Variants in VWA3A observed in about 807,000 individuals in gnomAD.
The protein encoded by VWA3A is von Willebrand factor A domain-containing protein 3A.
In VWA3A, 134 loss-of-function variants were observed where a neutral mutation model predicts 160.4. The ratio of observed to expected loss-of-function variants is 0.84; its 90% confidence interval spans 0.73 to 0.96. The LOEUF (loss-of-function observed/expected upper bound fraction) is 0.96, where lower values mean the gene tolerates loss of function less well. Ranked by LOEUF, VWA3A falls within the 40% of genes least tolerant of loss-of-function variation. The pLI is 0.00. For synonymous variants in VWA3A, 476 were observed against 543.4 expected, an observed-to-expected ratio of 0.88 and a Z score of 1.72; for missense variants, 1,310 against 1,447.9, an observed-to-expected ratio of 0.90 and a Z score of 1.55.
At chr16:22,142,489 C>T (rs2046168946) in intron 24 of VWA3A, among the ~76,000 whole-genome samples, 179 bp from the exon 25 acceptor site, 1 of 152,050 alleles carries the variant, frequency 6.6e-6, no homozygotes, top group Non-Finnish European at 1.5e-5. Context: ...AGAGGGAGAA[C>T]TTACTCGCTC....
Position 22,152,548 on chromosome 16 carries a change from A to C in VWA3A, c.3319A>C (p.Thr1107Pro). 2 of 1,612,660 alleles carry C rather than the reference A, an allele frequency of 1.2e-6. No homozygotes were observed. Among genetic ancestry groups the C allele is most frequent in the South Asian group, 1.1e-5 (1 of 90,756 alleles). ...VEFLRKLASF[T>P]GGRYHCPVGE... The stretch of plus-strand genomic sequence containing the variant: ...GTTCCTGAGAAAGCTGGCTTCCTTC[A>C]CCGGCGGACGCTATCACTGCCCTGT... The change falls in exon 31 of 34, where the codon ACC becomes CCC. Residue 1107 changes from threonine (T) to proline (P), a missense_variant. Physicochemically the swap from Thr to Pro is conservative, Grantham distance 38. Transcript: ENST00000389398.
Position 22,143,893 on chromosome 16 carries a change from A to G in VWA3A, c.2593-354A>G, listed in dbSNP as rs150864523. Reference sequence around the variant, plus strand: ...GTAGCTGGGATTACAGGCATGCACCACCACTCCTGGCTAATTTTTTGTATT... The same window carrying G: ...GTAGCTGGGATTACAGGCATGCACCGCCACTCCTGGCTAATTTTTTGTATT... On this transcript the variant is annotated intron_variant, in intron 25 of 33. Transcript: ENST00000389398. 9.6e-4 allele frequency among the ~76,000 whole-genome samples: 146 copies of G among 151,534 alleles called. 2 individuals carry two copies. The East Asian group carries it at 0.026, about 27-fold the overall frequency.
chr16:22,118,540 G>A lies in VWA3A; in HGVS notation c.991-362G>A, dbSNP rs1298795224. On this transcript the variant is annotated intron_variant, in intron 11 of 33. Transcript: ENST00000389398. Reference sequence around the variant, plus strand: ...CTCTACTAAAAATAACAAAAAATTAGCCGGGCGTGGTGGCGGGCGCCTGTA... The same window carrying A: ...CTCTACTAAAAATAACAAAAAATTAACCGGGCGTGGTGGCGGGCGCCTGTA... 2.0e-5 allele frequency among the ~76,000 whole-genome samples: 3 copies of A among 152,074 alleles called. 1 individual carries two copies. Among genetic ancestry groups the A allele is most frequent in the Non-Finnish European group, 4.4e-5 (3 of 68,028 alleles).
intron 25 of VWA3A, 131 bp from the exon 26 acceptor site, chr16:22,144,116 G>A (rs2046203960): frequency 8.6e-7 from 1 of 1,157,460 alleles, no homozygotes; most frequent in African/African-American, 1.6e-5. Context: ...TGGATGCTCT[G>A]TGAGGACCTG....
intron 3 of VWA3A, 82 bp downstream of exon 3, chr16:22,097,777 C>G: frequency 6.6e-7 from 1 of 1,511,960 alleles, no homozygotes; most frequent in East Asian, 2.5e-5. Context: ...CTGGGGATTT[C>G]TTCCTTCTCA....
In VWA3A at chr16:22,115,411, G is replaced by A. The variant is rs777446534; in HGVS notation, c.754G>A (p.Ala252Thr). 6.2e-7 allele frequency: 1 copy of A among 1,604,744 alleles called. No homozygotes were observed. Among genetic ancestry groups the A allele is most frequent in the Non-Finnish European group, 8.5e-7 (1 of 1,175,704 alleles). Reference protein sequence around the residue: ...QPDGGSNLLQALKKIFTLKGL... With the variant: ...QPDGGSNLLQTLKKIFTLKGL... Reference sequence around the variant, plus strand: ...TGATGGAGGCAGCAACCTGCTACAAGCTCTGAAGAAGATCTTCACTCTCAA... The same window carrying A: ...TGATGGAGGCAGCAACCTGCTACAAACTCTGAAGAAGATCTTCACTCTCAA... The change falls in exon 9 of 34, where the codon GCT becomes ACT. Residue 252 changes from alanine (A) to threonine (T), a missense_variant. Coordinates refer to ENST00000389398, the MANE Select transcript of VWA3A (RefSeq NM_173615.5).
At chr16:22,151,960 G>A (rs1462128387) in intron 30 of VWA3A, among the ~76,000 whole-genome samples, 1 of 152,164 alleles carries the variant, frequency 6.6e-6, no homozygotes, top group African/African-American at 2.4e-5. Context: ...TGTAATCCCA[G>A]CACTTTGGGA....
rs573516146 is a variant in VWA3A at position 22,145,015 on chromosome 16, T to C, written c.2730+631T>C. Reference sequence around the variant, plus strand: ...TAAGAATGCTGTACCCCAATACTGATGATGGTTCTGTTATGGCAGCAAATA... The same window carrying C: ...TAAGAATGCTGTACCCCAATACTGACGATGGTTCTGTTATGGCAGCAAATA... On this transcript the variant is annotated intron_variant, in intron 26 of 33. Coordinates refer to ENST00000389398, the MANE Select transcript of VWA3A (RefSeq NM_173615.5). 2.0e-5 allele frequency among the ~76,000 whole-genome samples: 3 copies of C among 152,256 alleles called. No homozygotes were observed. The South Asian group carries it at 6.2e-4, about 32-fold the overall frequency.
intron 1 of VWA3A, among the ~76,000 whole-genome samples, chr16:22,095,773 G>T (rs1164168976): frequency 1.3e-5 from 2 of 151,846 alleles, no homozygotes; most frequent in African/African-American, 4.8e-5. Context: ...GTTTGCCAAG[G>T]CTGGTCTTGA....
At chr16:22,122,261 GTGGATGGATGGATGGATGGGTGGA>G (rs1254901984) in intron 14 of VWA3A, among the ~76,000 whole-genome samples, 87 of 145,452 alleles carry the variant, frequency 6.0e-4, no homozygotes, top group African/African-American at 2.1e-3. Context: ...GGATGGATGA[GTGGATGGATGGATGGATGGGTGGA>G]TGGATGGATG....
intron 29 of VWA3A, 62 bp downstream of exon 29, chr16:22,149,993 T>C (rs1290364897): frequency 1.3e-6 from 2 of 1,506,172 alleles, no homozygotes; most frequent in East Asian, 2.4e-5. Flanking sequence ...CCTATGCTGA[T>C]GCTGCACGAT....
rs922932636 is a variant in VWA3A, at chr16:22,155,857, A to C, written c.3510A>C (p.Gln1170His). Residue 1170 changes from glutamine to histidine, a missense_variant, in exon 33 of 34, where the codon CAA (glutamine) becomes CAC (histidine). By Grantham distance (24) the Gln-to-His change is conservative. Transcript: ENST00000389398. ...TTCATCTCCTGCCCACCAGATCCCA[A>C]CTCCAGAAGAAAAATGATGCAGAAC... ...FLWQAQSFRS[Q>H]LQKKNDAEPK... 8.1e-6 allele frequency: 13 copies of C among 1,613,868 alleles called. No individual in the cohort carries two copies. Among genetic ancestry groups the C allele is most frequent in the East Asian group, 2.2e-5 (1 of 44,866 alleles).
chr16:22,123,559 C>T, intron 15 of VWA3A, 54 bp from the exon 16 acceptor site: 2 of 1,613,402 alleles, frequency 1.2e-6, no homozygotes, highest in Middle Eastern at 1.6e-4. Context: ...CCCCTCAGGC[C>T]CCTTGGTTGC....
intron 12 of VWA3A, among the ~76,000 whole-genome samples, chr16:22,119,467 T>C (rs114998808): frequency 7.8e-4 from 119 of 152,274 alleles, no homozygotes; most frequent in African/African-American, 2.7e-3. Context: ...GTCCAGGCAT[T>C]CAAGACCAGC....
At chr16:22,128,668 T>A (rs1598079850) in intron 17 of VWA3A, among the ~76,000 whole-genome samples, 1 of 152,034 alleles carries the variant, frequency 6.6e-6, no homozygotes, top group African/African-American at 2.4e-5. Context: ...TAGCAACAGA[T>A]GGAATCAATG....
In VWA3A at chr16:22,140,647, G is replaced by T. The variant is rs147579305; in HGVS notation, c.2383+403G>T. On this transcript the variant is annotated intron_variant, in intron 23 of 33. Transcript: ENST00000389398. ...TTTTTTTGAGACAGAGTCTCGCTCTGTCACCCAGGCTGGAGTGCAGTCGTG... is the reference window on the plus strand; with the variant it reads ...TTTTTTTGAGACAGAGTCTCGCTCTTTCACCCAGGCTGGAGTGCAGTCGTG... 8.1e-3 allele frequency among the ~76,000 whole-genome samples: 1,157 copies of T among 142,518 alleles called. 11 individuals carry two copies. The highest frequency in any genetic ancestry group is 0.029 in the African/African-American group (1,113 of 38,042). The allele number at this position is 142,518 out of a possible 152,430, so 93.5% of individuals were successfully genotyped here. A position where few individuals can be genotyped will look rare whatever the true frequency, so the allele number is the denominator to read the frequency against.
intron 22 of VWA3A, 53 bp downstream of exon 22, chr16:22,138,565 C>T (rs955715218): frequency 1.2e-6 from 2 of 1,605,148 alleles, no homozygotes; most frequent in Non-Finnish European, 1.7e-6. Flanking sequence ...TGTTTGTCTT[C>T]TGGTCTTTCC....
At position 22,131,261 on chromosome 16, in the gene VWA3A, A is replaced by G. The variant is rs1386021369; in HGVS notation, c.1709A>G (p.Asn570Ser). 1 of 1,613,936 alleles carries G rather than the reference A, an allele frequency of 6.2e-7. No homozygotes were observed. Among genetic ancestry groups the G allele is most frequent in the Admixed American group, 1.7e-5 (1 of 60,018 alleles). The change falls in exon 18 of 34, where the codon AAT (asparagine) becomes AGT (serine). Residue 570 changes from asparagine to serine, a missense_variant. Asn to Ser is a conservative substitution (Grantham distance 46). Coordinates refer to ENST00000389398, the MANE Select transcript of VWA3A (RefSeq NM_173615.5). ...RPEMVPVSHN[N>S]LQSAWRWALN... ...GAGATGGTTCCCGTGAGTCACAACA[A>G]TTTACAAAGTGCCTGGCGGTAGGTT...
intron 25 of VWA3A, among the ~76,000 whole-genome samples, chr16:22,143,740 T>G (rs1309461415): frequency 7.7e-6 from 1 of 130,290 alleles, no homozygotes; most frequent in Non-Finnish European, 1.5e-5. Context: ...TTTCTTTCTT[T>G]CTTTCTTTCT....
Sources: gnomAD v4.1 joint callset for allele counts (sites outside exome capture counted in the v4.1 genomes callset) on GRCh38, gnomAD v4.1.1 for gene constraint, MANE v1.5 for transcripts, NCBI Gene and HGNC (gene_info 2026-07-23, HGNC 2026-07-21) for gene names.